CEP57: variants seen among roughly 807,000 people sequenced by gnomAD.
The protein encoded by CEP57 is centrosomal protein of 57 kDa.
In CEP57, 40 loss-of-function variants were observed where a neutral mutation model predicts 68.0. The ratio of observed to expected loss-of-function variants is 0.59; its 90% CI spans 0.46 to 0.77. CEP57 has a LOEUF of 0.77. CEP57 is among the 30% of genes least tolerant of loss of function. The probability of loss-of-function intolerance (pLI) is 0.00; values close to 1 mark genes in which losing one functional copy is unlikely to be tolerated. For synonymous variants in CEP57, 219 were observed against 198.7 expected (o/e 1.10, Z -0.86); for missense variants, 606 against 580.7 (o/e 1.04, Z -0.45).
intron 2 of CEP57, among the ~76,000 whole-genome samples, 156 bp downstream of exon 2, chr11:95,799,544 TTA>T (rs565381531): frequency 5.6e-4 from 86 of 152,370 alleles, no homozygotes; most frequent in African/African-American, 2.0e-3. Context: ...CTTGTATTCC[TTA>T]TATTGATTGT....
chr11:95,794,214 T>C, intron 1 of CEP57: 1 of 453,996 alleles, frequency 2.2e-6, no homozygotes, highest in Non-Finnish European at 4.4e-6. Context: ...TTCTTTTTTT[T>C]TTCCAGACCA....
chr11:95,822,681 C>CTTTACCAGTGTGTGGATCATGCA, intron 8 of CEP57, 105 bp downstream of exon 8: 1 of 1,048,956 alleles, frequency 9.5e-7, no homozygotes, highest in Non-Finnish European at 1.5e-6. Context: ...TTTTCTGTGC[C>CTTTACCAGTGTGTGGATCATGCA]TTTACCAGTG....
intron 2 of CEP57, among the ~76,000 whole-genome samples, chr11:95,810,173 A>G (rs926660132): frequency 2.0e-5 from 3 of 152,296 alleles, no homozygotes; most frequent in Admixed American, 2.0e-4. Flanking sequence ...AAAACTCTCA[A>G]TAAACTAGGT....
At chr11:95,813,274 A>G (rs1862151604) in intron 3 of CEP57, among the ~76,000 whole-genome samples, 163 bp downstream of exon 3, 1 of 152,248 alleles carries the variant, frequency 6.6e-6, no homozygotes, top group African/African-American at 2.4e-5. Context: ...GTTGTCATAC[A>G]TGGCATTTAT....
chr11:95,807,423 G>C (rs1329215091), intron 2 of CEP57, among the ~76,000 whole-genome samples: 1 of 152,200 alleles, frequency 6.6e-6, no homozygotes, highest in Non-Finnish European at 1.5e-5. Context: ...ACTTCTCTGA[G>C]CTAAAGGAAG....
intron 1 of CEP57, among the ~76,000 whole-genome samples, chr11:95,793,972 T>C (rs918275846): frequency 1.3e-5 from 2 of 152,200 alleles, no homozygotes; most frequent in Non-Finnish European, 2.9e-5. Flanking sequence ...AAGATCCTTC[T>C]GTAATGACCA....
Position 95,814,670 on chromosome 11 carries a change from A to G in CEP57, c.504+1081A>G, listed in dbSNP as rs573335379. 9.9e-5 allele frequency among the ~76,000 whole-genome samples: 15 copies of G among 152,268 alleles called. No homozygotes were observed. In the South Asian group the frequency reaches 2.9e-3, roughly 29 times the overall value. On this transcript the variant is annotated intron_variant, in intron 4 of 10. Transcript: ENST00000325542. ...CCACCACGCCCGGCCAGCCTTGTGT[A>G]TATTTTTTTAAAACTTACTCCTTTT...
intron 4 of CEP57, among the ~76,000 whole-genome samples, 161 bp from the exon 5 acceptor site, chr11:95,817,626 A>G (rs1056351178): frequency 3.3e-5 from 5 of 152,284 alleles, no homozygotes; most frequent in Non-Finnish European, 7.4e-5. Flanking sequence ...GTATCCACTT[A>G]TATCAGTCAT....
At chr11:95,799,534 C>T (rs1055037726) in intron 2 of CEP57, 146 bp downstream of exon 2, 1 of 934,810 alleles carries the variant, frequency 1.1e-6, no homozygotes. Context: ...TTATGCTTTT[C>T]TTGTATTCCT....
chr11:95,797,760 G>A (rs539477300), intron 1 of CEP57, among the ~76,000 whole-genome samples: 1 of 152,220 alleles, frequency 6.6e-6, no homozygotes, highest in Non-Finnish European at 1.5e-5. Flanking sequence ...CATACAAAAT[G>A]TAGAACAGAG....
intron 1 of CEP57, among the ~76,000 whole-genome samples, chr11:95,792,599 A>G (rs1407036806): frequency 1.3e-5 from 2 of 152,230 alleles, no homozygotes; most frequent in Non-Finnish European, 2.9e-5. Context: ...TGACAGAAAT[A>G]CCAAAGACTG....
chr11:95,823,781 A>T lies in CEP57; in HGVS notation c.885+1205A>T, dbSNP rs146709489. On this transcript the variant is annotated intron_variant, in intron 8 of 10. Transcript: ENST00000325542. ...CTTAAAATGCCACGTGACGCTAATC[A>T]TCTTCAAATGAGCAGTTCATCTCTC... Among the ~76,000 whole-genome samples, 576 of 152,300 alleles carry T rather than the reference A, an allele frequency of 3.8e-3. 4 individuals are homozygous for T. The highest frequency in any genetic ancestry group is 0.024 in the Middle Eastern group (7 of 294).
intron 1 of CEP57, among the ~76,000 whole-genome samples, chr11:95,793,761 A>C (rs2135238296): frequency 6.6e-6 from 1 of 152,352 alleles, no homozygotes; most frequent in East Asian, 1.9e-4. Context: ...AGGTTGAGTC[A>C]AAGTTCTCTA....
rs114287908 is a variant in CEP57 at position 95,807,064 on chromosome 11, A to G, written c.203-5868A>G. Among the ~76,000 whole-genome samples, 284 of 152,212 alleles carry G rather than the reference A, an allele frequency of 1.9e-3. 1 individual carries two copies. The highest frequency in any genetic ancestry group is 6.6e-3 in the African/African-American group (273 of 41,524). On this transcript the variant is annotated intron_variant, in intron 2 of 10. Transcript: ENST00000325542. ...GCAGCAACGTTTGCCATTCTGCAAT[A>G]TTTGCTTTTCTGCAGCTTCCGTTGG...
At chr11:95,804,712 G>C (rs1861719425) in intron 2 of CEP57, among the ~76,000 whole-genome samples, 1 of 152,108 alleles carries the variant, frequency 6.6e-6, no homozygotes, top group Non-Finnish European at 1.5e-5. Context: ...TAATGAAAAT[G>C]CTTAATATTA....
At chr11:95,793,819 G>C (rs1439629883) in intron 1 of CEP57, among the ~76,000 whole-genome samples, 1 of 152,108 alleles carries the variant, frequency 6.6e-6, no homozygotes, top group South Asian at 2.1e-4. Context: ...AATGGGTTTT[G>C]CTGTTCATTT....
intron 8 of CEP57, chr11:95,823,018 G>C (rs12421552): frequency 4.7e-6 from 1 of 210,570 alleles, no homozygotes; most frequent in Non-Finnish European, 9.8e-6. Context: ...GCAGTCATAC[G>C]TACACTTGAA....
intron 5 of CEP57, 104 bp downstream of exon 5, chr11:95,818,007 A>T: frequency 1.3e-6 from 1 of 753,080 alleles, no homozygotes; most frequent in Non-Finnish European, 2.4e-6. Context: ...AAGTGATCTT[A>T]TAATGAAGAA....
At chr11:95,818,974 C>G in intron 6 of CEP57, 70 bp downstream of exon 6, 1 of 1,136,616 alleles carries the variant, frequency 8.8e-7, no homozygotes, top group African/African-American at 1.5e-5. Context: ...TAAACAATTA[C>G]ATTTAGGTAT....
Sources: gnomAD v4.1 joint callset for allele counts (sites outside exome capture counted in the v4.1 genomes callset) on GRCh38, gnomAD v4.1.1 for gene constraint, MANE v1.5 for transcripts, NCBI Gene and HGNC (gene_info 2026-07-23, HGNC 2026-07-21) for gene names.